Variants in CSMD1 observed in about 807,000 individuals in gnomAD.
The protein encoded by CSMD1 is CUB and Sushi multiple domains 1.
Under a neutral mutation model 417.5 loss-of-function variants are expected in CSMD1, and 213 were observed. The ratio of observed to expected loss-of-function variants is 0.51; its 90% confidence interval spans 0.46 to 0.57. The LOEUF (loss-of-function observed/expected upper bound fraction) is 0.57. CSMD1 is among the 20% of genes least tolerant of loss of function. The pLI is 0.00. For synonymous variants in CSMD1, 2,862 were observed against 1,736.8 expected (o/e 1.65, Z -16.11); for missense variants, 6,923 against 4,529.7 (o/e 1.53, Z -15.17).
intron 52 of CSMD1, among the ~76,000 whole-genome samples, chr8:3,000,667 T>G (rs1807321913): frequency 6.6e-6 from 1 of 152,030 alleles, no homozygotes; most frequent in African/African-American, 2.4e-5. Flanking sequence ...GATGTCTGAG[T>G]AAAAATGGCC....
chr8:3,351,816 T>C (rs916641984), intron 21 of CSMD1, among the ~76,000 whole-genome samples: 7 of 150,466 alleles, frequency 4.7e-5, no homozygotes, highest in Admixed American at 1.3e-4. Context: ...GTGTACTCAC[T>C]ATTTAATTTA....
rs371880700 is a variant in CSMD1 at position 4,664,993 on chromosome 8, C to T, written c.86-27435G>A. 2.6e-5 allele frequency among the ~76,000 whole-genome samples: 4 copies of T among 152,230 alleles called. No homozygotes were observed. The South Asian group carries it at 6.2e-4, about 24-fold the overall frequency. On this transcript the variant is annotated intron_variant, in intron 1 of 69. Transcript: ENST00000635120. Reference sequence around the variant, plus strand: ...CTGAAAAAGGAAAATAATATCTCATCGTGTTCTTCATTTTATTATTACCAA... The same window carrying T: ...CTGAAAAAGGAAAATAATATCTCATTGTGTTCTTCATTTTATTATTACCAA...
At chr8:4,275,129 A>G (rs559075273) in intron 3 of CSMD1, among the ~76,000 whole-genome samples, 6 of 152,204 alleles carry the variant, frequency 3.9e-5, no homozygotes, top group Admixed American at 2.6e-4. Context: ...ATAACCAATG[A>G]TAGTCAATAA....
intron 1 of CSMD1, among the ~76,000 whole-genome samples, chr8:4,697,790 C>G (rs921022557): frequency 5.3e-5 from 8 of 152,176 alleles, no homozygotes; most frequent in African/African-American, 1.9e-4. Flanking sequence ...ATAAAATACA[C>G]ACACATTCTC....
Position 4,312,642 on chromosome 8 carries a change from C to T in CSMD1, c.415+107311G>A, listed in dbSNP as rs537618189. The stretch of plus-strand genomic sequence containing the variant: ...CTGTAATCCCAACACTTTGGGAGGC[C>T]GAGGTGAGTGGATCACCTGAGGTCA... On this transcript the variant is annotated intron_variant, in intron 3 of 69. Transcript: ENST00000635120. Among the ~76,000 whole-genome samples the T allele has an allele frequency of 1.8e-3, 276 of 151,598 alleles. 1 individual carries two copies. Among genetic ancestry groups the T allele is most frequent in the South Asian group, 4.4e-3 (21 of 4,796 alleles).
intron 1 of CSMD1, among the ~76,000 whole-genome samples, chr8:4,746,886 G>C (rs1483774537): frequency 6.6e-6 from 1 of 152,140 alleles, no homozygotes; most frequent in East Asian, 1.9e-4. Context: ...AAGCATAATT[G>C]ACTTAGATCA....
chr8:3,471,222 A>C (rs568692342), intron 11 of CSMD1, among the ~76,000 whole-genome samples: 2 of 152,158 alleles, frequency 1.3e-5, no homozygotes, highest in Admixed American at 1.3e-4. Context: ...CATTTAACTA[A>C]TGGGTAATGA....
At chr8:3,739,754 A>C (rs987226724) in intron 6 of CSMD1, among the ~76,000 whole-genome samples, 1 of 151,752 alleles carries the variant, frequency 6.6e-6, no homozygotes, top group Non-Finnish European at 1.5e-5. Context: ...CAAAAATAGC[A>C]ACAGATGCTA....
At chr8:4,238,885 T>C (rs1802223898) in intron 3 of CSMD1, among the ~76,000 whole-genome samples, 1 of 152,184 alleles carries the variant, frequency 6.6e-6, no homozygotes, top group Non-Finnish European at 1.5e-5. Context: ...TTTTAGCAAA[T>C]GCTTTTTTGA....
chr8:3,419,078 G>T (rs1170122629), intron 12 of CSMD1, among the ~76,000 whole-genome samples: 1 of 152,194 alleles, frequency 6.6e-6, no homozygotes, highest in African/African-American at 2.4e-5. Flanking sequence ...CATTGTTTAA[G>T]GCTGAAACGC....
intron 1 of CSMD1, among the ~76,000 whole-genome samples, chr8:4,688,707 A>G (rs1267544265): frequency 1.3e-5 from 2 of 151,932 alleles, no homozygotes; most frequent in African/African-American, 4.8e-5. Context: ...TTCGTGTAGC[A>G]CTCCACAAAT....
chr8:4,459,363 T>C (rs1026021690), intron 2 of CSMD1, among the ~76,000 whole-genome samples: 4 of 152,208 alleles, frequency 2.6e-5, no homozygotes, highest in African/African-American at 9.6e-5. Context: ...CTCAGACCCG[T>C]GGTTTACTCA....
chr8:3,422,825 T>G (rs948822679), intron 12 of CSMD1, among the ~76,000 whole-genome samples: 2 of 152,162 alleles, frequency 1.3e-5, no homozygotes, highest in Non-Finnish European at 2.9e-5. Flanking sequence ...ACTGGGAAGG[T>G]TGGTGTCTGA....
intron 1 of CSMD1, among the ~76,000 whole-genome samples, chr8:4,661,841 G>T (rs1179131605): frequency 6.6e-6 from 1 of 152,194 alleles, no homozygotes; most frequent in African/African-American, 2.4e-5. Flanking sequence ...AACAGAAGTT[G>T]TAGAATGTTA....
intron 3 of CSMD1, among the ~76,000 whole-genome samples, chr8:4,348,920 G>C (rs142170266): frequency 0.022 from 3,359 of 152,216 alleles, 50 homozygotes; most frequent in Middle Eastern, 0.034. Context: ...TGATATCACA[G>C]CTATTGTTCC....
chr8:3,664,805 C>A (rs1256592873), intron 7 of CSMD1, among the ~76,000 whole-genome samples: 2 of 152,154 alleles, frequency 1.3e-5, no homozygotes, highest in South Asian at 2.1e-4. Context: ...ACAAAGCTAT[C>A]AAGAGAGTCA....
intron 55 of CSMD1, among the ~76,000 whole-genome samples, chr8:2,976,643 C>G (rs1252979652): frequency 6.6e-6 from 1 of 152,214 alleles, no homozygotes; most frequent in African/African-American, 2.4e-5. Flanking sequence ...GTCACGGCAC[C>G]TGGCCTCCAC....
chr8:3,007,384 G>A (rs371025930), intron 52 of CSMD1, among the ~76,000 whole-genome samples: 1 of 151,234 alleles, frequency 6.6e-6, no homozygotes, highest in East Asian at 1.9e-4. Context: ...GGATCTAGAA[G>A]TAGAAATACC....
chr8:3,956,379 G>C (rs1018055341), intron 5 of CSMD1, among the ~76,000 whole-genome samples: 1 of 152,144 alleles, frequency 6.6e-6, no homozygotes, highest in Non-Finnish European at 1.5e-5. Context: ...AGAAGTGAGA[G>C]AGCTAGAATT....
Sources: gnomAD v4.1 joint callset for allele counts (sites outside exome capture counted in the v4.1 genomes callset) on GRCh38, gnomAD v4.1.1 for gene constraint, MANE v1.5 for transcripts, NCBI Gene and HGNC (gene_info 2026-07-23, HGNC 2026-07-21) for gene names.